CSMD1: variants seen among roughly 807,000 people sequenced by gnomAD.
CSMD1 encodes the protein CUB and Sushi multiple domains 1.
Under a neutral mutation model 417.5 loss-of-function variants are expected in CSMD1, and 213 were observed. The ratio of observed to expected loss-of-function variants is 0.51; its 90% CI spans 0.46 to 0.57. CSMD1 has a LOEUF of 0.57. Ranked by LOEUF, CSMD1 falls within the 20% of genes least tolerant of loss-of-function variation. CSMD1 has a pLI of 0.00. For missense variants in CSMD1, 6,923 were observed against 4,529.7 expected (o/e 1.53, Z -15.17); for synonymous variants, 2,862 against 1,736.8 (o/e 1.65, Z -16.11).
chr8:3,321,480 A>G (rs747232646), intron 23 of CSMD1, among the ~76,000 whole-genome samples: 1 of 152,106 alleles, frequency 6.6e-6, no homozygotes, highest in Non-Finnish European at 1.5e-5. Flanking sequence ...CAAGTAGGCA[A>G]TGACAGGTGC....
chr8:3,889,817 T>G (rs1439588370), intron 5 of CSMD1, among the ~76,000 whole-genome samples: 1 of 152,072 alleles, frequency 6.6e-6, no homozygotes, highest in South Asian at 2.1e-4. Context: ...TGCAAATTCT[T>G]TATTTCTCTT....
chr8:3,839,927 G>C (rs915797704), intron 5 of CSMD1, among the ~76,000 whole-genome samples: 6 of 152,010 alleles, frequency 3.9e-5, no homozygotes, highest in African/African-American at 1.4e-4. Flanking sequence ...TCACAGAGAT[G>C]CAGTGATCTT....
chr8:3,692,031 G>A (rs1011280001), intron 7 of CSMD1, among the ~76,000 whole-genome samples: 1 of 152,318 alleles, frequency 6.6e-6, no homozygotes, highest in South Asian at 2.1e-4. Flanking sequence ...CATCAGCAGA[G>A]CCGTCACTCA....
At chr8:4,310,209 G>C (rs933667239) in intron 3 of CSMD1, among the ~76,000 whole-genome samples, 2 of 152,158 alleles carry the variant, frequency 1.3e-5, no homozygotes, top group Admixed American at 1.3e-4. Flanking sequence ...TTTCCATCTA[G>C]TGGAGGATTC....
rs562356094 is a variant in CSMD1, at chr8:3,177,555, T to C, written c.5725+3555A>G. On this transcript the variant is annotated intron_variant, in intron 37 of 69. Transcript: ENST00000635120. ...CAATCTCTAGGAGACCATTACAATA[T>C]TAAAAATTCTTCCCTAATAAGCCCA... Among the ~76,000 whole-genome samples the C allele has an allele frequency of 9.8e-5, 15 of 152,320 alleles. No homozygotes were observed. In the East Asian group the frequency reaches 2.7e-3, roughly 27 times the overall value.
At chr8:4,249,714 G>A (rs1802936666) in intron 3 of CSMD1, among the ~76,000 whole-genome samples, 1 of 152,160 alleles carries the variant, frequency 6.6e-6, no homozygotes, top group Non-Finnish European at 1.5e-5. Context: ...GGAAGACTTG[G>A]CCTCAGCAGA....
intron 28 of CSMD1, 64 bp from the exon 29 acceptor site, chr8:3,219,506 G>T: frequency 1.7e-6 from 2 of 1,169,980 alleles, no homozygotes; most frequent in Non-Finnish European, 1.1e-6. Context: ...AGAGTGGTAA[G>T]CCTTTGAGCT....
At chr8:3,641,024 CTTTTTTTTTT>C (rs34851559) in intron 7 of CSMD1, among the ~76,000 whole-genome samples, 15 of 102,718 alleles carry the variant, frequency 1.5e-4, no homozygotes, top group African/African-American at 5.4e-4. Flanking sequence ...TCCTTTTTTC[CTTTTTTTTTT>C]TTTTTTTTTT....
At chr8:3,232,736 C>T (rs1244505400) in intron 26 of CSMD1, among the ~76,000 whole-genome samples, 1 of 152,058 alleles carries the variant, frequency 6.6e-6, no homozygotes, top group Non-Finnish European at 1.5e-5. Flanking sequence ...TTCTCTCGAC[C>T]ATCTTAGCTT....
chr8:2,968,767 G>A (rs11996879), intron 57 of CSMD1, among the ~76,000 whole-genome samples: 4,687 of 152,154 alleles, frequency 0.031, 95 homozygotes, highest in East Asian at 0.084. Flanking sequence ...TAAATTAGAA[G>A]AGGAAAAGTA....
chr8:4,218,074 G>A (rs1306959177), intron 3 of CSMD1, among the ~76,000 whole-genome samples: 1 of 152,124 alleles, frequency 6.6e-6, no homozygotes, highest in African/African-American at 2.4e-5. Flanking sequence ...GATGCCTGAG[G>A]TTGCAATTTT....
chr8:4,869,366 C>T (rs1182413988), intron 1 of CSMD1, among the ~76,000 whole-genome samples: 1 of 151,872 alleles, frequency 6.6e-6, no homozygotes, highest in Non-Finnish European at 1.5e-5. Flanking sequence ...TTAATGCTCT[C>T]TGTATTTTAA....
rs144609697 is a variant in CSMD1, at chr8:3,751,747, T to C, written c.931+2183A>G. 4.6e-3 allele frequency among the ~76,000 whole-genome samples: 707 copies of C among 152,158 alleles called. 5 individuals carry two copies. The highest frequency in any genetic ancestry group is 0.015 in the African/African-American group (640 of 41,498). ...TCTTGGAGCAGCTTCAAAGTTGATA[T>C]TCCATTTTTAACCTTTCTTTCAATT... On this transcript the variant is annotated intron_variant, in intron 6 of 69. Coordinates refer to ENST00000635120, the MANE Select transcript of CSMD1 (RefSeq NM_033225.6).
intron 10 of CSMD1, among the ~76,000 whole-genome samples, chr8:3,574,718 T>C (rs1028707048): frequency 1.3e-5 from 2 of 152,206 alleles, no homozygotes; most frequent in African/African-American, 4.8e-5. Flanking sequence ...GTAGACTTTC[T>C]CTCCAGAAGC....
intron 11 of CSMD1, among the ~76,000 whole-genome samples, chr8:3,474,526 G>C (rs1817297374): frequency 6.6e-6 from 1 of 152,174 alleles, no homozygotes; most frequent in Admixed American, 6.5e-5. Context: ...TTTCTTAAAA[G>C]TGTGTATAGT....
At chr8:4,745,093 G>GT (rs1810868028) in intron 1 of CSMD1, among the ~76,000 whole-genome samples, 2 of 151,890 alleles carry the variant, frequency 1.3e-5, no homozygotes, top group Admixed American at 1.3e-4. Flanking sequence ...CGAGAAATGC[G>GT]TAAGAATGGC....
chr8:3,712,684 T>C (rs554133602), intron 6 of CSMD1, among the ~76,000 whole-genome samples: 1 of 152,322 alleles, frequency 6.6e-6, no homozygotes, highest in South Asian at 2.1e-4. Flanking sequence ...TTAGTCCAGT[T>C]ATCTAGTTTT....
chr8:3,802,192 G>A (rs887779315), intron 5 of CSMD1, among the ~76,000 whole-genome samples: 13 of 152,084 alleles, frequency 8.5e-5, no homozygotes, highest in African/African-American at 2.9e-4. Context: ...AGACATTAAA[G>A]AAGGGCTTAT....
intron 3 of CSMD1, among the ~76,000 whole-genome samples, chr8:4,185,442 G>T (rs1475305776): frequency 6.6e-6 from 1 of 152,034 alleles, no homozygotes; most frequent in Non-Finnish European, 1.5e-5. Context: ...GATAAATAAT[G>T]ATTTTAAAAA....
Sources: gnomAD v4.1 joint callset for allele counts (sites outside exome capture counted in the v4.1 genomes callset) on GRCh38, gnomAD v4.1.1 for gene constraint, MANE v1.5 for transcripts, NCBI Gene and HGNC (gene_info 2026-07-23, HGNC 2026-07-21) for gene names.